The following ASIP variants were observed in gnomAD, a reference collection of about 807,000 sequenced individuals.
The protein encoded by ASIP is agouti-signaling protein.
Under a neutral mutation model 10.3 loss-of-function variants are expected in ASIP, and 11 were observed. That is an observed-to-expected ratio of 1.07 (90% CI 0.68 to 1.78). ASIP has a LOEUF of 1.78. Ranked by LOEUF, ASIP falls within the 40% of genes most tolerant of loss-of-function variation. ASIP has a pLI of 0.00. For missense variants in ASIP, 180 were observed against 169.2 expected, an observed-to-expected ratio of 1.06 and a Z score of -0.35; for synonymous variants, 70 against 70.8, an observed-to-expected ratio of 0.99 and a Z score of 0.06.
chr20:34,259,532 A>G (rs1011890944), intron 1 of ASIP, among the ~76,000 whole-genome samples: 1 of 152,008 alleles, frequency 6.6e-6, no homozygotes, highest in Non-Finnish European at 1.5e-5. Context: ...AAAAAGAGTT[A>G]GAAAATATAA....
chr20:34,214,011 C>T, intron 1 of ASIP: 1 of 1,504,892 alleles, frequency 6.6e-7, no homozygotes, highest in East Asian at 2.3e-5. Context: ...TCAACAGATT[C>T]CTCATTAAGG....
chr20:34,239,902 A>G (rs2035262053), upstream of ASIP, among the ~76,000 whole-genome samples: 1 of 152,216 alleles, frequency 6.6e-6, no homozygotes, highest in African/African-American at 2.4e-5. Context: ...CAGAGCCTCT[A>G]AGCTCCACAT....
rs2035844075 is a variant in ASIP, at chr20:34,269,149, G to A, written c.381G>A (p.Val127=). Residue 127 remains valine, a synonymous_variant, in exon 4 of 4, where the codon GTG becomes GTA. Coordinates refer to ENST00000374954, the MANE Select transcript of ASIP (RefSeq NM_001672.3). ...TCCGCAGCGCCTGCTCCTGCCGCGT[G>A]CTCAGCCTCAACTGCTGAGCGCCCC... The part of the protein sequence containing the change: ...RFFRSACSCR[V]LSLNC The A allele has an allele frequency of 3.2e-6, 5 of 1,546,268 alleles. No individual in the cohort carries two copies. Among genetic ancestry groups the A allele is most frequent in the Non-Finnish European group, 4.4e-6 (5 of 1,145,438 alleles).
At chr20:34,247,545 C>T (rs1437722555) in intron 1 of ASIP, among the ~76,000 whole-genome samples, 1 of 152,040 alleles carries the variant, frequency 6.6e-6, no homozygotes, top group African/African-American at 2.4e-5. Context: ...GATCCACCCA[C>T]CTCAGCCTCC....
intron 1 of ASIP, among the ~76,000 whole-genome samples, chr20:34,248,808 G>C (rs912031734): frequency 6.6e-6 from 1 of 150,860 alleles, no homozygotes; most frequent in Admixed American, 6.6e-5. Context: ...TATAAAAACA[G>C]AAAGAAAGAA....
upstream of ASIP, among the ~76,000 whole-genome samples, chr20:34,194,196 G>C (rs1170535281): frequency 6.6e-6 from 1 of 152,160 alleles, no homozygotes; most frequent in African/African-American, 2.4e-5. Context: ...AGTGCTGAGA[G>C]AGAGAACCAG....
intron 1 of ASIP, chr20:34,214,856 T>G (rs2034997180): frequency 1.2e-6 from 2 of 1,603,616 alleles, no homozygotes; most frequent in Non-Finnish European, 1.7e-6. Flanking sequence ...TCCTCATGAA[T>G]TAGTAGCTGC....
chr20:34,211,025 C>T (rs183188939), intron 1 of ASIP, among the ~76,000 whole-genome samples: 1 of 152,052 alleles, frequency 6.6e-6, no homozygotes, highest in East Asian at 1.9e-4. Flanking sequence ...TTGTAGTGTT[C>T]TCTCTCTTTT....
chr20:34,257,067 TC>T (rs1438913624), intron 1 of ASIP, among the ~76,000 whole-genome samples: 1 of 87,624 alleles, frequency 1.1e-5, no homozygotes. Flanking sequence ...TCTCTTTCTT[TC>T]TCTTTTTTTT....
chr20:34,234,093 T>A (rs961042716), intron 1 of ASIP, among the ~76,000 whole-genome samples: 5 of 152,324 alleles, frequency 3.3e-5, no homozygotes, highest in African/African-American at 1.2e-4. Context: ...AATGTTATGA[T>A]GGATCTAAGT....
intron 3 of ASIP, among the ~76,000 whole-genome samples, chr20:34,266,990 G>A (rs2035797521): frequency 6.6e-6 from 1 of 152,128 alleles, no homozygotes; most frequent in Admixed American, 6.6e-5. Context: ...TAGGAGGTAG[G>A]ATCTGGCACT....
chr20:34,234,520 CCTTCCTTT>C (rs1379554489), intron 1 of ASIP, among the ~76,000 whole-genome samples: 2 of 151,954 alleles, frequency 1.3e-5, no homozygotes, highest in South Asian at 2.1e-4. Context: ...TTCCTTCCTT[CCTTCCTTT>C]CTTTCCTTTC....
chr20:34,253,436 TTTTTA>T (rs139602018), intron 1 of ASIP, among the ~76,000 whole-genome samples: 18,336 of 147,452 alleles, frequency 0.12, 1,337 homozygotes, highest in African/African-American at 0.19. Context: ...TACGCTCTTA[TTTTTA>T]TTTTATTTTA....
chr20:34,268,782 AGAC>A (rs2035834194), intron 3 of ASIP, among the ~76,000 whole-genome samples: 1 of 151,808 alleles, frequency 6.6e-6, no homozygotes, highest in Non-Finnish European at 1.5e-5. Context: ...ACTAGGGAGA[AGAC>A]GACCAGGGCC....
chr20:34,257,275 GAAACGGGGTTTC>G (rs900384645), intron 1 of ASIP, among the ~76,000 whole-genome samples: 2 of 151,838 alleles, frequency 1.3e-5, no homozygotes, highest in Admixed American at 6.6e-5. Flanking sequence ...ATTTTTAGTA[GAAACGGGGTTTC>G]ACCATGTTGG....
intron 1 of ASIP, among the ~76,000 whole-genome samples, chr20:34,196,464 C>T (rs1325697493): frequency 1.3e-5 from 2 of 151,972 alleles, no homozygotes; most frequent in Non-Finnish European, 2.9e-5. Context: ...TGAGCCACCG[C>T]GCCCGGCTGA....
rs553911182 is a variant in ASIP at position 34,211,359 on chromosome 20, G to A, written c.-11+16599G>A. Among the ~76,000 whole-genome samples, 57 of 152,236 alleles carry A rather than the reference G, an allele frequency of 3.7e-4. No homozygotes were observed. In the Middle Eastern group the frequency reaches 0.017, roughly 45 times the overall value. On this transcript the variant is annotated intron_variant, in intron 1 of 3. Transcript: ENST00000568305. ...ATTATAGGCATGAGCCACCGTGCCC[G>A]GCCTCATTGCCATATATTTTAATTT...
intron 1 of ASIP, among the ~76,000 whole-genome samples, chr20:34,249,662 G>A (rs1330920554): frequency 6.6e-6 from 1 of 152,060 alleles, no homozygotes; most frequent in African/African-American, 2.4e-5. Flanking sequence ...CACAGGGCCT[G>A]GCAAATTGTG....
intron 1 of ASIP, among the ~76,000 whole-genome samples, chr20:34,221,654 G>A (rs1030704772): frequency 1.3e-5 from 2 of 152,210 alleles, no homozygotes; most frequent in South Asian, 4.1e-4. Context: ...ATGATACCAG[G>A]AGTCCTTTTA....
Sources: allele counts gnomAD v4.1 joint callset (sites outside exome capture counted in the v4.1 genomes callset), GRCh38; gene constraint gnomAD v4.1.1; transcripts MANE v1.5; gene names NCBI Gene and HGNC (gene_info 2026-07-23, HGNC 2026-07-21).